CCSER1: variants seen among roughly 807,000 people sequenced by gnomAD.
CCSER1 encodes serine-rich coiled-coil domain-containing protein 1.
Under a neutral mutation model 82.0 loss-of-function variants are expected in CCSER1, and 41 were observed. The observed-to-expected ratio is 0.50, with a 90% CI of 0.39 to 0.65. CCSER1 has a LOEUF of 0.65. CCSER1 is among the 30% of genes least tolerant of loss of function. The pLI is 0.00. For synonymous variants in CCSER1, 414 were observed against 383.9 expected (o/e 1.08, Z -0.92); for missense variants, 1,119 against 1,064.2 (o/e 1.05, Z -0.72).
intron 5 of CCSER1, among the ~76,000 whole-genome samples, chr4:90,551,475 C>T (rs1777468756): frequency 6.6e-6 from 1 of 151,904 alleles, no homozygotes; most frequent in Non-Finnish European, 1.5e-5. Context: ...CAGCCTTCCC[C>T]TTCCCATCTT....
At chr4:90,161,328 C>G (rs1014948634) in intron 1 of CCSER1, among the ~76,000 whole-genome samples, 1 of 152,090 alleles carries the variant, frequency 6.6e-6, no homozygotes, top group Non-Finnish European at 1.5e-5. Context: ...AGGTACTGTT[C>G]TAATGTCTTA....
At chr4:91,250,101 G>A (rs537027267) in intron 10 of CCSER1, among the ~76,000 whole-genome samples, 11 of 151,610 alleles carry the variant, frequency 7.3e-5, no homozygotes, top group African/African-American at 2.2e-4. Flanking sequence ...GTCCTTCACC[G>A]GCTCCTGAAG....
At chr4:91,589,589 A>G (rs891524719) in intron 10 of CCSER1, among the ~76,000 whole-genome samples, 1 of 106,330 alleles carries the variant, frequency 9.4e-6, no homozygotes, top group East Asian at 3.0e-4. Context: ...TTTTTTTTTT[A>G]TGTTTTGCTA....
intron 10 of CCSER1, among the ~76,000 whole-genome samples, chr4:91,593,977 C>A (rs900644528): frequency 5.3e-5 from 8 of 152,076 alleles, no homozygotes; most frequent in Non-Finnish European, 8.8e-5. Flanking sequence ...TAAAAGGTAA[C>A]AATGAACTTA....
chr4:90,605,766 T>C (rs1211676157), intron 5 of CCSER1, among the ~76,000 whole-genome samples: 1 of 152,190 alleles, frequency 6.6e-6, no homozygotes, highest in Non-Finnish European at 1.5e-5. Flanking sequence ...TTTGACTTCT[T>C]AGTGCCAGTG....
At chr4:90,384,202 A>G (rs1749656517) in intron 3 of CCSER1, among the ~76,000 whole-genome samples, 1 of 151,698 alleles carries the variant, frequency 6.6e-6, no homozygotes, top group Non-Finnish European at 1.5e-5. Flanking sequence ...CAGGTTTGTT[A>G]CATATGTATA....
chr4:91,161,895 AC>A (rs1425907942), intron 10 of CCSER1, among the ~76,000 whole-genome samples: 1 of 152,038 alleles, frequency 6.6e-6, no homozygotes, highest in African/African-American at 2.4e-5. Flanking sequence ...TGACAATTTG[AC>A]TTCCTCTTTT....
chr4:90,930,967 T>C (rs938379241), intron 9 of CCSER1, among the ~76,000 whole-genome samples: 27 of 142,218 alleles, frequency 1.9e-4, no homozygotes, highest in African/African-American at 6.4e-4. Context: ...ACATACATGA[T>C]ACATATATGT....
At chr4:91,176,834 T>C (rs1188933932) in intron 10 of CCSER1, among the ~76,000 whole-genome samples, 1 of 152,224 alleles carries the variant, frequency 6.6e-6, no homozygotes, top group Non-Finnish European at 1.5e-5. Flanking sequence ...CTGATTGCCC[T>C]GGCCAGAACT....
intron 1 of CCSER1, among the ~76,000 whole-genome samples, chr4:90,219,374 A>T (rs1241036009): frequency 6.6e-6 from 1 of 152,158 alleles, no homozygotes; most frequent in Non-Finnish European, 1.5e-5. Flanking sequence ...TATTTTTTAG[A>T]ATGGACATCC....
At chr4:90,445,159 C>T (rs1271925848) in intron 4 of CCSER1, among the ~76,000 whole-genome samples, 1 of 151,990 alleles carries the variant, frequency 6.6e-6, no homozygotes, top group Non-Finnish European at 1.5e-5. Flanking sequence ...TCTTCAACTT[C>T]AGGATATACA....
chr4:91,454,263 C>T (rs1756023261), intron 10 of CCSER1, among the ~76,000 whole-genome samples: 1 of 151,970 alleles, frequency 6.6e-6, no homozygotes, highest in Non-Finnish European at 1.5e-5. Context: ...GGCTGGTCGC[C>T]CTACAAAGGC....
At chr4:90,490,808 G>A (rs370080554) in intron 5 of CCSER1, among the ~76,000 whole-genome samples, 39 of 152,012 alleles carry the variant, frequency 2.6e-4, no homozygotes, top group Middle Eastern at 3.4e-3. Context: ...TTTTTGTCAG[G>A]TTTGTCAAAG....
intron 5 of CCSER1, among the ~76,000 whole-genome samples, chr4:90,473,719 G>T (rs1340717218): frequency 6.6e-6 from 1 of 152,044 alleles, no homozygotes; most frequent in Non-Finnish European, 1.5e-5. Flanking sequence ...CTCTCTCTAA[G>T]GTCACCTCTT....
At chr4:90,754,242 C>T (rs1192162937) in intron 7 of CCSER1, among the ~76,000 whole-genome samples, 3 of 152,136 alleles carry the variant, frequency 2.0e-5, no homozygotes, top group African/African-American at 7.2e-5. Flanking sequence ...GCAGCAATGA[C>T]TGGCACAGAA....
intron 7 of CCSER1, among the ~76,000 whole-genome samples, chr4:90,808,363 A>G (rs1757795533): frequency 6.6e-6 from 1 of 152,152 alleles, no homozygotes; most frequent in African/African-American, 2.4e-5. Flanking sequence ...CCCAAAAACA[A>G]ATGTAACAAA....
At chr4:90,309,728 T>C in intron 2 of CCSER1, 120 bp downstream of exon 2, 1 of 720,152 alleles carries the variant, frequency 1.4e-6, no homozygotes, top group Non-Finnish European at 2.2e-6. Context: ...ACTTTCGAAA[T>C]GGTTTCCTAT....
chr4:90,997,375 CTGTTA>C (rs548278549), intron 9 of CCSER1, among the ~76,000 whole-genome samples: 20 of 152,296 alleles, frequency 1.3e-4, no homozygotes, highest in East Asian at 5.8e-4. Flanking sequence ...CCTCCCCGTT[CTGTTA>C]TAAGTATTCT....
intron 10 of CCSER1, among the ~76,000 whole-genome samples, chr4:91,117,649 C>A (rs374499994): frequency 1.3e-5 from 2 of 151,886 alleles, no homozygotes; most frequent in Non-Finnish European, 2.9e-5. Context: ...TGTACCTTTG[C>A]GTTGTAAGGT....
Sources: allele counts gnomAD v4.1 joint callset (sites outside exome capture counted in the v4.1 genomes callset), GRCh38; gene constraint gnomAD v4.1.1; transcripts MANE v1.5; gene names NCBI Gene and HGNC (gene_info 2026-07-23, HGNC 2026-07-21).